The following SHISA6 variants were observed in gnomAD, a reference collection of about 807,000 sequenced individuals.
SHISA6 encodes protein shisa-6.
A neutral mutation model predicts 47.9 loss-of-function variants in SHISA6; 22 were observed. The ratio of observed to expected loss-of-function variants is 0.46; its 90% CI spans 0.33 to 0.66. SHISA6 has a LOEUF of 0.66. SHISA6 is among the 30% of genes least tolerant of loss of function. The pLI is 0.02. For synonymous variants in SHISA6, 388 were observed against 337.8 expected (o/e 1.15, Z -1.63); for missense variants, 680 against 764.6 (o/e 0.89, Z 1.30).
At chr17:11,500,789 C>G (rs2071445977) in intron 3 of SHISA6, among the ~76,000 whole-genome samples, 1 of 152,152 alleles carries the variant, frequency 6.6e-6, no homozygotes, top group Non-Finnish European at 1.5e-5. Flanking sequence ...TTGCAATTCC[C>G]ATCATCTCAG....
At chr17:11,357,117 G>A (rs1246240295) in intron 2 of SHISA6, among the ~76,000 whole-genome samples, 1 of 150,738 alleles carries the variant, frequency 6.6e-6, no homozygotes, top group African/African-American at 2.4e-5. Context: ...GAACCCGGGA[G>A]GCGGAGCTTG....
At chr17:11,455,939 C>T (rs73977318) in intron 3 of SHISA6, among the ~76,000 whole-genome samples, 3,921 of 152,098 alleles carry the variant, frequency 0.026, 189 homozygotes, top group African/African-American at 0.089. Context: ...TTCTAGGGTG[C>T]GTGAAGGATT....
At chr17:11,427,736 TA>T (rs2142286970) in intron 3 of SHISA6, among the ~76,000 whole-genome samples, 1 of 152,078 alleles carries the variant, frequency 6.6e-6, no homozygotes, top group Non-Finnish European at 1.5e-5. Context: ...GTGAGTGGTA[TA>T]AGGGCCAAAA....
At chr17:11,519,714 T>A (rs997088629) in intron 3 of SHISA6, among the ~76,000 whole-genome samples, 1 of 152,090 alleles carries the variant, frequency 6.6e-6, no homozygotes, top group African/African-American at 2.4e-5. Context: ...CCCACCAAAC[T>A]CCCATATGTT....
chr17:11,548,527 A>G (rs975277774), intron 3 of SHISA6, among the ~76,000 whole-genome samples: 1 of 152,078 alleles, frequency 6.6e-6, no homozygotes, highest in African/African-American at 2.4e-5. Context: ...CAAATAAGAT[A>G]TTTCTCAGTA....
In SHISA6 at chr17:11,558,075, C is replaced by T. The variant is rs2072000586; in HGVS notation, c.1427C>T (p.Ser476Leu). ...GAGCAGTCGCTGTCCAGGGCCATCT[C>T]GCACACGGACGTCTTTGTGTCCACA... ...FPEQSLSRAI[S>L]HTDVFVSTPV... The change falls in exon 6 of 6, where the codon TCG (serine) becomes TTG (leucine). Residue 476 changes from serine (S) to leucine (L), a missense_variant. Around this residue, in one of 2 missense-constraint regions of SHISA6, gnomAD observed 559 missense variants for 674.1 expected, o/e 0.83. Coordinates refer to ENST00000441885, the MANE Select transcript of SHISA6 (RefSeq NM_207386.4). The T allele has an allele frequency of 3.2e-6, 5 of 1,551,524 alleles. No homozygotes were observed. Among genetic ancestry groups the T allele is most frequent in the African/African-American group, 1.4e-5 (1 of 73,062 alleles).
At chr17:11,378,129 C>T (rs1179183135) in intron 2 of SHISA6, among the ~76,000 whole-genome samples, 3 of 152,168 alleles carry the variant, frequency 2.0e-5, no homozygotes, top group Admixed American at 6.5e-5. Context: ...CAAAAAATCA[C>T]GCTTTGTGTT....
chr17:11,398,187 C>T (rs1024312859), intron 3 of SHISA6, among the ~76,000 whole-genome samples: 2 of 152,074 alleles, frequency 1.3e-5, no homozygotes, highest in Non-Finnish European at 2.9e-5. Context: ...ACATTTTTAA[C>T]AATAGATTAG....
chr17:11,509,518 C>G (rs1388934842), intron 3 of SHISA6, among the ~76,000 whole-genome samples: 1 of 152,202 alleles, frequency 6.6e-6, no homozygotes, highest in Non-Finnish European at 1.5e-5. Flanking sequence ...CGAACACTTT[C>G]CATGAACTGT....
Position 11,463,522 on chromosome 17 carries a change from C to T in SHISA6, c.895+84013C>T, listed in dbSNP as rs564343303. 3.3e-5 allele frequency among the ~76,000 whole-genome samples: 5 copies of T among 152,258 alleles called. No homozygotes were observed. The East Asian group carries it at 9.6e-4, about 29-fold the overall frequency. On this transcript the variant is annotated intron_variant, in intron 3 of 5. Transcript: ENST00000441885. ...AATCCCACCCTCTGTTAGTTAAATG[C>T]TTTTAACAGAATCTTTTCCAACATT...
chr17:11,393,854 T>G (rs1202231685), intron 3 of SHISA6, among the ~76,000 whole-genome samples: 2 of 152,212 alleles, frequency 1.3e-5, no homozygotes, highest in African/African-American at 2.4e-5. Context: ...AATTGGTTTC[T>G]TTTCTGCTCT....
At chr17:11,402,550 T>C (rs1913813141) in intron 3 of SHISA6, among the ~76,000 whole-genome samples, 1 of 152,216 alleles carries the variant, frequency 6.6e-6, no homozygotes, top group Non-Finnish European at 1.5e-5. Context: ...TGAGTCACTT[T>C]GTCCAATCTA....
chr17:11,279,236 A>G (rs1909037452), intron 2 of SHISA6, among the ~76,000 whole-genome samples: 1 of 152,108 alleles, frequency 6.6e-6, no homozygotes, highest in African/African-American at 2.4e-5. Context: ...GTAGAAAGAG[A>G]GGGTGAGGCA....
rs1214875173 is a variant in SHISA6 at position 11,241,261 on chromosome 17, G to C, written c.-162G>C. 1.2e-5 allele frequency: 3 copies of C among 244,682 alleles called. No individual in the cohort carries two copies. Among genetic ancestry groups the C allele is most frequent in the Non-Finnish European group, 1.9e-5 (3 of 155,430 alleles). 15.2% of individuals were successfully genotyped at this position (244,682 alleles called of 1,614,324 possible). A position where few individuals can be genotyped will look rare whatever the true frequency, so the allele number is the denominator to read the frequency against. On this transcript the variant is annotated 5_prime_UTR_variant, in exon 1 of 6. Transcript: ENST00000441885. This position sits in a 1 kb window ranked among gnomAD's most constrained non-coding sequence, Gnocchi z 5.5. ...GGCCGGTCCGTGCGCACCGCGCGCC[G>C]CCGCCGCCACTGCCGCCCGCGCCTC...
intron 3 of SHISA6, among the ~76,000 whole-genome samples, chr17:11,384,725 G>A (rs1276046207): frequency 6.6e-6 from 1 of 152,198 alleles, no homozygotes; most frequent in East Asian, 1.9e-4. Context: ...TCCCCATGGA[G>A]GTGATGATGC....
intron 3 of SHISA6, among the ~76,000 whole-genome samples, chr17:11,402,862 AAGGTGT>A (rs1054006658): frequency 2.0e-5 from 3 of 152,126 alleles, no homozygotes; most frequent in Non-Finnish European, 4.4e-5. Flanking sequence ...AAGATGCCAA[AAGGTGT>A]AGGTTCTCCC....
At chr17:11,416,319 AT>A (rs1287053232) in intron 3 of SHISA6, among the ~76,000 whole-genome samples, 2 of 152,240 alleles carry the variant, frequency 1.3e-5, no homozygotes, top group Non-Finnish European at 2.9e-5. Context: ...TGCAAGGCAT[AT>A]TAGAGCCTTT....
intron 2 of SHISA6, among the ~76,000 whole-genome samples, chr17:11,300,240 G>A (rs563119628): frequency 2.6e-5 from 4 of 152,156 alleles, no homozygotes; most frequent in Middle Eastern, 3.4e-3. Flanking sequence ...ATATCTTTGG[G>A]AGGCATTTTT....
At chr17:11,299,915 G>C (rs1181371807) in intron 2 of SHISA6, among the ~76,000 whole-genome samples, 1 of 152,120 alleles carries the variant, frequency 6.6e-6, no homozygotes, top group Non-Finnish European at 1.5e-5. Context: ...GGAGGCTGAG[G>C]TGGGCAGATC....
Sources: gnomAD v4.1 joint callset for allele counts (sites outside exome capture counted in the v4.1 genomes callset) on GRCh38, gnomAD v4.1.1 for gene constraint, gnomAD v4.1.1 regional missense constraint, Gnocchi (gnomAD v3.1) non-coding constraint, MANE v1.5 for transcripts, NCBI Gene and HGNC (gene_info 2026-07-23, HGNC 2026-07-21) for gene names.